CNTNAP2: variants seen among roughly 807,000 people sequenced by gnomAD.
The protein encoded by CNTNAP2 is contactin-associated protein-like 2.
A neutral mutation model predicts 155.2 loss-of-function variants in CNTNAP2; 98 were observed. The observed-to-expected ratio is 0.63, with a 90% CI of 0.54 to 0.75. The LOEUF is 0.75. Among genes scored for constraint, CNTNAP2 ranks in the 30% least tolerant of loss-of-function variants. The pLI is 0.00. For missense variants in CNTNAP2, 1,727 were observed against 1,688.1 expected (o/e 1.02, Z -0.40); for synonymous variants, 651 against 631.2 (o/e 1.03, Z -0.47).
chr7:148,261,208 T>A (rs1281048472), intron 20 of CNTNAP2, among the ~76,000 whole-genome samples: 1 of 151,992 alleles, frequency 6.6e-6, no homozygotes, highest in Non-Finnish European at 1.5e-5. Flanking sequence ...TCACCCAGGC[T>A]GGAGTGCAGT....
At chr7:148,362,684 G>A (rs1798648104) in intron 21 of CNTNAP2, among the ~76,000 whole-genome samples, 1 of 152,192 alleles carries the variant, frequency 6.6e-6, no homozygotes, top group South Asian at 2.1e-4. Context: ...TCTCTTAACA[G>A]GGGGACTTAC....
chr7:146,621,964 T>C (rs1799325469), intron 1 of CNTNAP2, among the ~76,000 whole-genome samples: 2 of 152,252 alleles, frequency 1.3e-5, no homozygotes, highest in South Asian at 4.1e-4. Flanking sequence ...TGGATTATAT[T>C]CTAATAGTAC....
chr7:146,901,918 C>G lies in CNTNAP2; in HGVS notation c.402+62014C>G, dbSNP rs886451199. On this transcript the variant is annotated intron_variant, in intron 3 of 23. Transcript: ENST00000361727. ...TGAGACGGTCTCTGGCTCTGTCACC[C>G]AGGCTGGAGTGCAGTGGTGCGATCT... Among the ~76,000 whole-genome samples the G allele has an allele frequency of 6.9e-4, 102 of 148,068 alleles. 2 individuals are homozygous for G. The highest frequency in any genetic ancestry group is 1.3e-3 in the Non-Finnish European group (86 of 67,298).
chr7:146,207,621 A>T (rs924112066), intron 1 of CNTNAP2, among the ~76,000 whole-genome samples: 2 of 149,616 alleles, frequency 1.3e-5, no homozygotes, highest in Non-Finnish European at 3.0e-5. Flanking sequence ...ACTTTCTTCA[A>T]ACAGAACAGG....
chr7:148,247,476 C>G (rs1427572652), intron 20 of CNTNAP2, among the ~76,000 whole-genome samples: 12 of 151,856 alleles, frequency 7.9e-5, no homozygotes, highest in Admixed American at 7.9e-4. Flanking sequence ...GCAGATATTT[C>G]TCTTACTTTA....
intron 3 of CNTNAP2, among the ~76,000 whole-genome samples, chr7:147,009,957 T>TC (rs916385585): frequency 6.6e-6 from 1 of 151,730 alleles, no homozygotes; most frequent in Admixed American, 6.6e-5. Flanking sequence ...GCAACAATGC[T>TC]CCAGTATGCT....
At chr7:148,284,174 G>A (rs1797039581) in intron 21 of CNTNAP2, among the ~76,000 whole-genome samples, 4 of 152,140 alleles carry the variant, frequency 2.6e-5, no homozygotes, top group Admixed American at 2.6e-4. Context: ...GTTACAGTTT[G>A]GCTGTGTCCC....
chr7:147,728,979 T>G (rs1796690273), intron 13 of CNTNAP2, among the ~76,000 whole-genome samples: 1 of 149,348 alleles, frequency 6.7e-6, no homozygotes, highest in East Asian at 1.9e-4. Context: ...GAAAGGAAAA[T>G]TATATGTATA....
chr7:147,002,561 CA>C (rs1349732650), intron 3 of CNTNAP2, among the ~76,000 whole-genome samples: 1 of 151,990 alleles, frequency 6.6e-6, no homozygotes, highest in Non-Finnish European at 1.5e-5. Context: ...TCATGCCAAG[CA>C]AGCTACTAGA....
At chr7:147,693,100 T>C (rs1445692740) in intron 13 of CNTNAP2, among the ~76,000 whole-genome samples, 1 of 152,080 alleles carries the variant, frequency 6.6e-6, no homozygotes, top group Non-Finnish European at 1.5e-5. Context: ...CAGCCTCCTT[T>C]GTTGAAGAAA....
At chr7:146,223,934 T>TA (rs1450483013) in intron 1 of CNTNAP2, among the ~76,000 whole-genome samples, 1 of 152,238 alleles carries the variant, frequency 6.6e-6, no homozygotes, top group African/African-American at 2.4e-5. Context: ...ATGATGATGA[T>TA]AAAATCACTA....
intron 9 of CNTNAP2, among the ~76,000 whole-genome samples, chr7:147,327,033 A>G (rs978417560): frequency 2.6e-5 from 4 of 152,216 alleles, no homozygotes; most frequent in African/African-American, 4.8e-5. Context: ...TTAGAATCCA[A>G]TAGAAAGTAT....
chr7:148,407,189 G>A (rs6464883), intron 22 of CNTNAP2, among the ~76,000 whole-genome samples: 85,815 of 151,698 alleles, frequency 0.57, 24,879 homozygotes, highest in African/African-American at 0.64. Flanking sequence ...TTATTCCCAC[G>A]GGATAATTTT....
intron 20 of CNTNAP2, among the ~76,000 whole-genome samples, chr7:148,231,952 G>T (rs1485321422): frequency 2.6e-5 from 4 of 152,150 alleles, no homozygotes; most frequent in Non-Finnish European, 4.4e-5. Context: ...GAAAAACCTG[G>T]GAAGTGCTTC....
intron 11 of CNTNAP2, among the ~76,000 whole-genome samples, chr7:147,527,342 A>T (rs1799345592): frequency 6.6e-6 from 1 of 152,076 alleles, no homozygotes; most frequent in Non-Finnish European, 1.5e-5. Flanking sequence ...ATTTCTTTTC[A>T]TATTTTATAA....
rs576787402 is a variant in CNTNAP2, at chr7:147,950,354, CAT to C, written c.2256-27506_2256-27505del. ...TTTCCATCACAGCTTAAGCTATACA[CAT>C]AGAGAGGCAAAAAAAAAAAAAAAAA... On this transcript the variant is annotated intron_variant, in intron 14 of 23. Coordinates refer to ENST00000361727, the MANE Select transcript of CNTNAP2 (RefSeq NM_014141.6). Among the ~76,000 whole-genome samples, 251 of 84,390 alleles carry C rather than the reference CAT, an allele frequency of 3.0e-3. 2 individuals carry two copies. Among genetic ancestry groups the C allele is most frequent in the African/African-American group, 0.012 (242 of 19,714 alleles). 55.4% of individuals were successfully genotyped at this position (84,390 alleles called of 152,430 possible).
chr7:146,344,060 G>A (rs941350606), intron 1 of CNTNAP2, among the ~76,000 whole-genome samples: 1 of 152,124 alleles, frequency 6.6e-6, no homozygotes, highest in African/African-American at 2.4e-5. Flanking sequence ...AGGAAATAGA[G>A]AAGAAGCTAT....
intron 13 of CNTNAP2, among the ~76,000 whole-genome samples, chr7:147,685,613 T>C (rs2116984988): frequency 6.6e-6 from 1 of 151,814 alleles, no homozygotes; most frequent in South Asian, 2.1e-4. Context: ...AAAAAACAGA[T>C]GACAAATCGT....
intron 16 of CNTNAP2, among the ~76,000 whole-genome samples, chr7:148,122,351 T>C (rs565300482): frequency 1.3e-5 from 2 of 152,248 alleles, no homozygotes; most frequent in South Asian, 4.1e-4. Context: ...CTGACTGGCT[T>C]GACAAGGAGC....
Sources: gnomAD v4.1 joint callset for allele counts (sites outside exome capture counted in the v4.1 genomes callset) on GRCh38, gnomAD v4.1.1 for gene constraint, MANE v1.5 for transcripts, NCBI Gene and HGNC (gene_info 2026-07-23, HGNC 2026-07-21) for gene names.